CAMK1D: variants seen among roughly 807,000 people sequenced by gnomAD.
CAMK1D encodes the protein calcium/calmodulin-dependent protein kinase type 1D.
In CAMK1D, 9 loss-of-function variants were observed where a neutral mutation model predicts 47.7. That is an observed-to-expected ratio of 0.19 (90% CI 0.11 to 0.33). CAMK1D has a LOEUF of 0.33. Ranked by LOEUF, CAMK1D falls within the 10% of genes least tolerant of loss-of-function variation. The probability of loss-of-function intolerance (pLI) is 1.00; values close to 1 mark genes in which losing one functional copy is unlikely to be tolerated. For synonymous variants in CAMK1D, 184 were observed against 184.9 expected (o/e 0.99, Z 0.04); for missense variants, 291 against 488.7 (o/e 0.60, Z 3.81).
At chr10:12,693,792 C>T (rs1199144161) in intron 3 of CAMK1D, among the ~76,000 whole-genome samples, 3 of 146,960 alleles carry the variant, frequency 2.0e-5, no homozygotes, top group Middle Eastern at 3.5e-3. Context: ...AATAAATCCT[C>T]GATTCACTTG....
At position 12,403,431 on chromosome 10, in the gene CAMK1D, T is replaced by C. The variant is rs78267201; in HGVS notation, c.92+53521T>C. On this transcript the variant is annotated intron_variant, in intron 1 of 10. Transcript: ENST00000619168. ...ATAAAGGTGATAATCGATCCCACTT[T>C]ACTTGTGAGGATTCAGTGAGATGAT... is the stretch of plus-strand genomic sequence containing the variant. 4.4e-3 allele frequency among the ~76,000 whole-genome samples: 674 copies of C among 152,344 alleles called. 12 individuals carry two copies. In the East Asian group the frequency reaches 0.063, roughly 14 times the overall value.
At chr10:12,783,236 G>T (rs979834215) in intron 5 of CAMK1D, among the ~76,000 whole-genome samples, 1 of 152,126 alleles carries the variant, frequency 6.6e-6, no homozygotes, top group South Asian at 2.1e-4. Flanking sequence ...CACGTGATCC[G>T]CCCACCTCAG....
At chr10:12,525,776 G>C (rs1020347860) in intron 1 of CAMK1D, among the ~76,000 whole-genome samples, 6 of 151,194 alleles carry the variant, frequency 4.0e-5, no homozygotes, top group African/African-American at 1.5e-4. Context: ...TTGTTTTTTT[G>C]AGATAAGGTC....
At chr10:12,802,088 A>G (rs1260040881) in intron 6 of CAMK1D, among the ~76,000 whole-genome samples, 1 of 152,228 alleles carries the variant, frequency 6.6e-6, no homozygotes, top group Non-Finnish European at 1.5e-5. Context: ...ACTAATGATT[A>G]TTCAGTTATC....
chr10:12,585,054 G>T (rs1360053523), intron 2 of CAMK1D, among the ~76,000 whole-genome samples: 1 of 152,326 alleles, frequency 6.6e-6, no homozygotes, highest in African/African-American at 2.4e-5. Context: ...GATCATGTCA[G>T]TCATTAGGCT....
At chr10:12,696,969 G>A (rs1833322343) in intron 3 of CAMK1D, among the ~76,000 whole-genome samples, 1 of 152,150 alleles carries the variant, frequency 6.6e-6, no homozygotes, top group African/African-American at 2.4e-5. Flanking sequence ...TCCCAGCTAA[G>A]CAGTGTTTGC....
chr10:12,368,878 C>T (rs966337808), intron 1 of CAMK1D, among the ~76,000 whole-genome samples: 3 of 152,046 alleles, frequency 2.0e-5, no homozygotes, highest in Non-Finnish European at 2.9e-5. Flanking sequence ...GGTGCAGTGG[C>T]GCGATTTCGG....
At chr10:12,585,752 A>T (rs1837798225) in intron 2 of CAMK1D, among the ~76,000 whole-genome samples, 1 of 152,164 alleles carries the variant, frequency 6.6e-6, no homozygotes, top group Non-Finnish European at 1.5e-5. Flanking sequence ...AACACGTGGG[A>T]ATTATGGGAG....
chr10:12,407,860 TTC>T (rs1491045048), intron 1 of CAMK1D, among the ~76,000 whole-genome samples: 17,200 of 125,586 alleles, frequency 0.14, 1,734 homozygotes, highest in South Asian at 0.19. Flanking sequence ...TTTTTTTTTT[TTC>T]TTTTTTTTTT....
At chr10:12,634,212 T>A (rs185840216) in intron 2 of CAMK1D, among the ~76,000 whole-genome samples, 2 of 152,360 alleles carry the variant, frequency 1.3e-5, no homozygotes, top group Admixed American at 1.3e-4. Flanking sequence ...TTGCAGGTCC[T>A]TGTGTCCTAG....
At chr10:12,691,870 C>T (rs898795811) in intron 3 of CAMK1D, among the ~76,000 whole-genome samples, 22 of 152,036 alleles carry the variant, frequency 1.4e-4, no homozygotes, top group Admixed American at 4.6e-4. Context: ...ATGTGTAATT[C>T]GCGTTACATT....
intron 3 of CAMK1D, among the ~76,000 whole-genome samples, chr10:12,710,908 C>A (rs914053519): frequency 6.6e-6 from 1 of 151,958 alleles, no homozygotes; most frequent in Non-Finnish European, 1.5e-5. Context: ...TTTGATCAAT[C>A]ACTATTGGAG....
chr10:12,382,644 G>A (rs1405537214), intron 1 of CAMK1D, among the ~76,000 whole-genome samples: 1 of 152,048 alleles, frequency 6.6e-6, no homozygotes, highest in African/African-American at 2.4e-5. Flanking sequence ...GGGCAGCATG[G>A]TAAAATCCCA....
chr10:12,501,441 C>T (rs918247345), intron 1 of CAMK1D, among the ~76,000 whole-genome samples: 3 of 152,192 alleles, frequency 2.0e-5, no homozygotes, highest in Admixed American at 1.3e-4. Context: ...CAGCGCTGTT[C>T]TGCCGGATTG....
intron 2 of CAMK1D, among the ~76,000 whole-genome samples, chr10:12,604,443 C>A (rs947750304): frequency 6.6e-6 from 1 of 152,116 alleles, no homozygotes; most frequent in Non-Finnish European, 1.5e-5. Context: ...AGTGTTTGGC[C>A]GTGTTGGCCC....
Position 12,427,730 on chromosome 10 carries a change from C to T in CAMK1D, c.92+77820C>T, listed in dbSNP as rs112702668. 1.8e-3 allele frequency among the ~76,000 whole-genome samples: 20 copies of T among 11,146 alleles called. No individual in the cohort carries two copies. In the South Asian group the frequency reaches 0.02, roughly 11 times the overall value. The allele number at this position is 11,146 out of a possible 152,430, so 7.3% of individuals were successfully genotyped here. On this transcript the variant is annotated intron_variant, in intron 1 of 10. Transcript: ENST00000619168. ...TTTTTTTTTTTTTTTTTTTTTGAGA[C>T]GGAGTCTTGCTCTTTTGCCCAGGCT...
intron 1 of CAMK1D, among the ~76,000 whole-genome samples, chr10:12,551,925 C>T (rs532518234): frequency 1.3e-5 from 2 of 152,274 alleles, no homozygotes; most frequent in South Asian, 4.1e-4. Context: ...CTGGGGCTTC[C>T]AGTGGTTTCT....
chr10:12,525,187 T>C (rs1214726637), intron 1 of CAMK1D, among the ~76,000 whole-genome samples: 1 of 152,216 alleles, frequency 6.6e-6, no homozygotes, highest in Admixed American at 6.5e-5. Context: ...TTTGGCAGTT[T>C]GATTGTTGTG....
At chr10:12,432,078 A>G (rs1216300943) in intron 1 of CAMK1D, among the ~76,000 whole-genome samples, 1 of 152,230 alleles carries the variant, frequency 6.6e-6, no homozygotes, top group Non-Finnish European at 1.5e-5. Flanking sequence ...TCAGAGGAGC[A>G]GTGATTTCCA....
Sources: allele counts gnomAD v4.1 joint callset (sites outside exome capture counted in the v4.1 genomes callset), GRCh38; gene constraint gnomAD v4.1.1; transcripts MANE v1.5; gene names NCBI Gene and HGNC (gene_info 2026-07-23, HGNC 2026-07-21).